Variants in KDM6A observed in about 807,000 individuals in gnomAD.
KDM6A encodes lysine demethylase 6A, also known as lysine-specific demethylase 6A.
Under a neutral mutation model 117.6 loss-of-function variants are expected in KDM6A, and 11 were observed. The ratio of observed to expected loss-of-function variants is 0.09; its 90% CI spans 0.06 to 0.15. KDM6A has a LOEUF of 0.15. Ranked by LOEUF, KDM6A falls within the 10% of genes least tolerant of loss-of-function variation. KDM6A has a pLI of 1.00. For missense variants in KDM6A, 799 were observed against 1,077.3 expected (o/e 0.74, Z 3.62); for synonymous variants, 384 against 396.1 (o/e 0.97, Z 0.36).
chrX:44,980,148 C>T (rs1376779574), intron 4 of KDM6A, among the ~76,000 whole-genome samples: 1 of 107,681 alleles, frequency 9.3e-6, no homozygotes, highest in South Asian at 4.1e-4. Flanking sequence ...AGGCCCACGC[C>T]ACCACGCCTG....
intron 2 of KDM6A, among the ~76,000 whole-genome samples, chrX:44,886,663 G>A (rs1265664545): frequency 9.3e-6 from 1 of 107,555 alleles, no homozygotes; most frequent in Non-Finnish European, 1.9e-5. Context: ...CTGATTTTGT[G>A]TATTTTTAGT....
At chrX:45,089,274 C>T (rs1010784910) in intron 25 of KDM6A, among the ~76,000 whole-genome samples, 3 of 111,496 alleles carry the variant, frequency 2.7e-5, no homozygotes, top group African/African-American at 9.8e-5. Context: ...TTCCTGTAAT[C>T]CCAGCACTTT....
chrX:44,898,854 G>T lies in KDM6A; in HGVS notation c.225+24867G>T, dbSNP rs779640053. On this transcript the variant is annotated intron_variant, in intron 2 of 29. Coordinates refer to ENST00000611820, the MANE Select transcript of KDM6A (RefSeq NM_001291415.2). ...TCCCACAGCCTGCTTTTGCTGGGTGGAGGGTGTAGGAGCACTTATCCACTC... is the reference window on the plus strand; with the variant it reads ...TCCCACAGCCTGCTTTTGCTGGGTGTAGGGTGTAGGAGCACTTATCCACTC... 2.6e-4 allele frequency among the ~76,000 whole-genome samples: 28 copies of T among 108,543 alleles called. 1 individual carries two copies. The South Asian group carries it at 8.9e-3, about 34-fold the overall frequency. The allele number at this position is 108,543 out of a possible 115,157, so 94.3% of individuals were successfully genotyped here.
chrX:45,063,390 C>A, intron 16 of KDM6A, 32 bp from the exon 17 acceptor site: 1 of 1,186,717 alleles, frequency 8.4e-7, no homozygotes, highest in Non-Finnish European at 1.1e-6. Context: ...ATTACACAAC[C>A]AGCATTTACT....
chrX:44,924,018 C>T (rs1166400346), intron 2 of KDM6A, among the ~76,000 whole-genome samples: 4 of 112,203 alleles, frequency 3.6e-5, no homozygotes, highest in East Asian at 2.8e-4. Flanking sequence ...CCACTGTGCC[C>T]GGCCTAATCT....
chrX:44,881,866 T>C (rs1022453367), intron 2 of KDM6A, among the ~76,000 whole-genome samples: 5 of 110,405 alleles, frequency 4.5e-5, no homozygotes, highest in African/African-American at 1.6e-4. Flanking sequence ...TTTTGTATTA[T>C]TAGTAGAGAT....
At chrX:44,998,368 C>G (rs1041282292) in intron 4 of KDM6A, among the ~76,000 whole-genome samples, 4 of 111,607 alleles carry the variant, frequency 3.6e-5, no homozygotes, top group African/African-American at 1.3e-4. Flanking sequence ...TTGGCTTGGT[C>G]AACTGGTAAG....
intron 4 of KDM6A, among the ~76,000 whole-genome samples, chrX:44,987,814 G>A (rs1256629235): frequency 2.7e-5 from 3 of 111,300 alleles, no homozygotes; most frequent in African/African-American, 6.6e-5. Context: ...TGGGTAACCC[G>A]ACCTTTCTCT....
intron 6 of KDM6A, 73 bp downstream of exon 6, chrX:45,020,803 T>C: frequency 9.1e-7 from 1 of 1,094,417 alleles, no homozygotes; most frequent in Non-Finnish European, 1.3e-6. Flanking sequence ...TCTTAAATAT[T>C]AGAGCATTGA....
intron 2 of KDM6A, among the ~76,000 whole-genome samples, chrX:44,900,871 A>T (rs759022982): frequency 8.9e-6 from 1 of 111,891 alleles, no homozygotes; most frequent in Non-Finnish European, 1.9e-5. Context: ...ACAGAGCTAG[A>T]CTTCGTCTCA....
At chrX:44,956,627 C>T (rs780988404) in intron 2 of KDM6A, among the ~76,000 whole-genome samples, 3 of 111,213 alleles carry the variant, frequency 2.7e-5, no homozygotes, top group Admixed American at 9.6e-5. Context: ...TGGTCTCGAA[C>T]TCCTGGGCTC....
chrX:45,038,748 A>G (rs763778903), intron 8 of KDM6A, among the ~76,000 whole-genome samples: 1 of 110,900 alleles, frequency 9.0e-6, no homozygotes, highest in Admixed American at 9.6e-5. Context: ...CTGCACATGT[A>G]TCCCAGAACT....
intron 21 of KDM6A, 141 bp downstream of exon 21, chrX:45,079,492 C>T (rs2045291419): frequency 4.3e-6 from 2 of 468,269 alleles, no homozygotes; most frequent in Non-Finnish European, 7.4e-6. Flanking sequence ...CCAGTTGTCT[C>T]GTATGTATAT....
At chrX:45,042,069 G>C (rs1298824785) in intron 8 of KDM6A, among the ~76,000 whole-genome samples, 2 of 109,944 alleles carry the variant, frequency 1.8e-5, no homozygotes, top group African/African-American at 6.7e-5. Flanking sequence ...GGTCAACACA[G>C]CAAAACCCCC....
At chrX:44,984,307 A>G (rs1308523651) in intron 4 of KDM6A, among the ~76,000 whole-genome samples, 2 of 111,612 alleles carry the variant, frequency 1.8e-5, no homozygotes, top group African/African-American at 6.6e-5. Flanking sequence ...GATTCTGGAT[A>G]TTAGCCCTTT....
rs183035526 is a variant in KDM6A, at chrX:45,002,707, A to G, written c.385-8254A>G. ...TTTCTTGCATAAATTCCCTTTTATA[A>G]CATTTTTTTTCACGACTTTCACAGA... On this transcript the variant is annotated intron_variant, in intron 4 of 29. Coordinates refer to ENST00000611820, the MANE Select transcript of KDM6A (RefSeq NM_001291415.2). Among the ~76,000 whole-genome samples the G allele has an allele frequency of 9.7e-4, 109 of 111,826 alleles. 1 individual carries two copies. The highest frequency in any genetic ancestry group is 1.1e-4 in the Non-Finnish European group (6 of 53,122).
rs1400666301 is a variant in KDM6A, at chrX:44,922,027, CCTTTTTTTTTTTTTTTTTTTTTT to C, written c.226-39256_226-39234del. On this transcript the variant is annotated intron_variant, in intron 2 of 29. Coordinates refer to ENST00000611820, the MANE Select transcript of KDM6A (RefSeq NM_001291415.2). Reference sequence around the variant, plus strand: ...ATGCTGATAAAATTCATTGTGTGTGCCTTTTTTTTTTTTTTTTTTTTTTTTTTTTTTTTTTTTAAGAGACAGAG... The same window carrying C: ...ATGCTGATAAAATTCATTGTGTGTGCTTTTTTTTTTTTTTAAGAGACAGAG... Among the ~76,000 whole-genome samples the C allele has an allele frequency of 2.4e-4, 9 of 37,710 alleles. No homozygotes were observed. The South Asian group carries it at 9.0e-3, about 38-fold the overall frequency. The allele number at this position is 37,710 out of a possible 115,157, so 32.7% of individuals were successfully genotyped here. A position where few individuals can be genotyped will look rare whatever the true frequency, so the allele number is the denominator to read the frequency against.
intron 4 of KDM6A, among the ~76,000 whole-genome samples, chrX:44,998,767 C>T (rs1214910128): frequency 9.0e-6 from 1 of 111,239 alleles, no homozygotes; most frequent in Admixed American, 9.6e-5. Flanking sequence ...TGTTAATATC[C>T]TAGCATAAAA....
chrX:45,095,341 C>T (rs1228872543), intron 27 of KDM6A, among the ~76,000 whole-genome samples: 1 of 110,876 alleles, frequency 9.0e-6, no homozygotes, highest in African/African-American at 3.3e-5. Context: ...TTAGATAGAG[C>T]TATTTAGAAG....
Sources: gnomAD v4.1 joint callset for allele counts (sites outside exome capture counted in the v4.1 genomes callset) on GRCh38, gnomAD v4.1.1 for gene constraint, MANE v1.5 for transcripts, NCBI Gene and HGNC (gene_info 2026-07-23, HGNC 2026-07-21) for gene names.